BFSP1: variants seen among roughly 807,000 people sequenced by gnomAD.
The protein encoded by BFSP1 is filensin.
In BFSP1, 38 loss-of-function variants were observed where a neutral mutation model predicts 43.9. The observed-to-expected ratio is 0.87, with a 90% CI of 0.67 to 1.14. The LOEUF (loss-of-function observed/expected upper bound fraction) is 1.14. BFSP1 is among the 50% of genes most tolerant of loss of function. The pLI, the probability that BFSP1 is intolerant of heterozygous loss-of-function variation, is 0.00. For synonymous variants in BFSP1, 352 were observed against 354.8 expected, an observed-to-expected ratio of 0.99 and a Z score of 0.09; for missense variants, 850 against 875.1, an observed-to-expected ratio of 0.97 and a Z score of 0.36.
chr20:17,516,825 A>G (rs938797257), intron 2 of BFSP1: 9 of 602,008 alleles, frequency 1.5e-5, no homozygotes, highest in Non-Finnish European at 2.1e-5. Context: ...AGCCACCTGC[A>G]GTGGAGCTGC....
intron 5 of BFSP1, among the ~76,000 whole-genome samples, chr20:17,504,892 CT>C (rs1197900159): frequency 6.6e-6 from 1 of 150,580 alleles, no homozygotes; most frequent in Non-Finnish European, 1.5e-5. Context: ...CCCCAGACAC[CT>C]TTAGGTGTAA....
upstream of BFSP1, among the ~76,000 whole-genome samples, chr20:17,563,885 TAAA>T (rs998399781): frequency 1.5e-4 from 14 of 90,760 alleles, no homozygotes; most frequent in Non-Finnish European, 1.6e-4. Flanking sequence ...AGACCGTGTC[TAAA>T]AAAAAAAAAA....
At chr20:17,534,399 T>C (rs542233568), upstream of BFSP1, among the ~76,000 whole-genome samples, 3 of 152,332 alleles carry the variant, frequency 2.0e-5, no homozygotes, top group Non-Finnish European at 2.9e-5. Context: ...TAATCACTTA[T>C]GTAAGTAGGG....
intron 1 of BFSP1, among the ~76,000 whole-genome samples, chr20:17,553,634 A>G (rs182901002): frequency 5.9e-5 from 9 of 151,868 alleles, no homozygotes; most frequent in Admixed American, 5.9e-4. Flanking sequence ...GAACAGAAAG[A>G]GGATAGACAG....
At chr20:17,552,906 G>A (rs1428671056) in intron 1 of BFSP1, among the ~76,000 whole-genome samples, 1 of 152,208 alleles carries the variant, frequency 6.6e-6, no homozygotes, top group South Asian at 2.1e-4. Context: ...CTACAAGTCA[G>A]AAATCTGGAG....
At position 17,531,103 on chromosome 20, in the gene BFSP1, T is replaced by C; in HGVS notation, c.227A>G (p.Gln76Arg). 7.4e-7 allele frequency: 1 copy of C among 1,353,652 alleles called. No homozygotes were observed. The highest frequency in any genetic ancestry group is 9.5e-7 in the Non-Finnish European group (1 of 1,055,788). 83.9% of individuals were successfully genotyped at this position (1,353,652 alleles called of 1,614,324 possible). ...GGGCCCGGCCAGCTCGCCCAGGCGCTGGAAGGCATCCAGCTGCCTCCGGAG... is the reference window on the plus strand; with the variant it reads ...GGGCCCGGCCAGCTCGCCCAGGCGCCGGAAGGCATCCAGCTGCCTCCGGAG... Reference protein sequence around the residue: ...AGLRRQLDAFQRLGELAGPED... With the variant: ...AGLRRQLDAFRRLGELAGPED... The change falls in exon 1 of 8, where the codon CAG (glutamine) becomes CGG (arginine). Residue 76 changes from glutamine to arginine, a missense_variant. Physicochemically the swap from Gln to Arg is conservative, Grantham distance 43. Transcript: ENST00000377873.
At chr20:17,544,428 G>A (rs978994040) in intron 1 of BFSP1, among the ~76,000 whole-genome samples, 3 of 152,186 alleles carry the variant, frequency 2.0e-5, no homozygotes, top group African/African-American at 4.8e-5. Context: ...GTACGGGGGT[G>A]CAGCACAGCC....
intron 1 of BFSP1, among the ~76,000 whole-genome samples, chr20:17,538,671 T>C (rs1051558097): frequency 6.6e-6 from 1 of 152,194 alleles, no homozygotes; most frequent in Admixed American, 6.5e-5. Flanking sequence ...TGAGACATTG[T>C]CGTACCAACT....
intron 2 of BFSP1, 122 bp from the exon 3 acceptor site, chr20:17,514,938 G>A: frequency 1.2e-6 from 1 of 805,252 alleles, no homozygotes; most frequent in Admixed American, 2.0e-5. Flanking sequence ...TGGTTCAGTA[G>A]GTCTGGGAGG....
In BFSP1 at chr20:17,499,059, TG is replaced by T. The variant is rs756210993; in HGVS notation, c.736-20del. 1 of 1,609,212 alleles carries T rather than the reference TG, an allele frequency of 6.2e-7. No individual in the cohort carries two copies. The highest frequency in any genetic ancestry group is 8.5e-7 in the Non-Finnish European group (1 of 1,175,640). ...TTGTTGTCTGTGGGCAAGGACACGC[TG>T]TAAGAAAATCCATCCCCCTTCTTCT... On this transcript the variant is annotated intron_variant, in intron 5 of 7. Coordinates refer to ENST00000377873, the MANE Select transcript of BFSP1 (RefSeq NM_001195.5).
Position 17,493,915 on chromosome 20 carries a change from G to C in BFSP1, c.*159C>G. 1 of 693,990 alleles carries C rather than the reference G, an allele frequency of 1.4e-6. No individual in the cohort carries two copies. The highest frequency in any genetic ancestry group is 2.4e-6 in the Non-Finnish European group (1 of 425,448). 43.0% of individuals were successfully genotyped at this position (693,990 alleles called of 1,614,324 possible). A position where few individuals can be genotyped will look rare whatever the true frequency, so the allele number is the denominator to read the frequency against. ...ATTAGACAAAGGATGTGCAAGCAAA[G>C]AAAACATTTTAATGAAGGCTTCGTT... On this transcript the variant is annotated 3_prime_UTR_variant, in exon 8 of 8. Transcript: ENST00000377873.
At chr20:17,538,233 T>TAAG (rs202020497) in intron 1 of BFSP1, among the ~76,000 whole-genome samples, 2,251 of 152,150 alleles carry the variant, frequency 0.015, 28 homozygotes, top group Admixed American at 0.022. Flanking sequence ...GGTTTGGGGA[T>TAAG]GAGGCATGAT....
chr20:17,518,737 C>T (rs1049487122), intron 2 of BFSP1, among the ~76,000 whole-genome samples: 3 of 152,198 alleles, frequency 2.0e-5, no homozygotes, highest in South Asian at 2.1e-4. Context: ...TCAGGAAAGA[C>T]GGAAACCAAG....
upstream of BFSP1, among the ~76,000 whole-genome samples, chr20:17,559,629 G>C (rs1394013171): frequency 6.6e-6 from 1 of 152,168 alleles, no homozygotes; most frequent in Non-Finnish European, 1.5e-5. Flanking sequence ...TGCGGCGAGT[G>C]AGCATGACCA....
intron 1 of BFSP1, among the ~76,000 whole-genome samples, chr20:17,564,237 T>A (rs1482258311): frequency 1.3e-5 from 2 of 151,646 alleles, no homozygotes; most frequent in Non-Finnish European, 2.9e-5. Context: ...GGTGGTGGTG[T>A]GAGCTTGTGG....
intron 1 of BFSP1, chr20:17,558,551 T>C: frequency 1.1e-6 from 1 of 906,546 alleles, no homozygotes; most frequent in Non-Finnish European, 1.7e-6. Flanking sequence ...ATTTTAGAAA[T>C]TTCCATGAGT....
intron 5 of BFSP1, among the ~76,000 whole-genome samples, chr20:17,505,896 G>A (rs762470850): frequency 4.6e-5 from 7 of 152,146 alleles, no homozygotes; most frequent in Non-Finnish European, 8.8e-5. Context: ...CAGAATTTTG[G>A]CCCCCGTGAC....
intron 1 of BFSP1, among the ~76,000 whole-genome samples, chr20:17,546,482 C>T (rs1035633591): frequency 3.3e-5 from 5 of 152,150 alleles, no homozygotes; most frequent in African/African-American, 1.2e-4. Flanking sequence ...AGGTGGATCA[C>T]CTGAAGACAG....
intron 5 of BFSP1, among the ~76,000 whole-genome samples, chr20:17,500,847 A>G (rs987021438): frequency 2.6e-5 from 4 of 152,210 alleles, no homozygotes; most frequent in Non-Finnish European, 5.9e-5. Context: ...ATTCTTTTCC[A>G]ATCTCATTCT....
Sources: gnomAD v4.1 joint callset for allele counts (sites outside exome capture counted in the v4.1 genomes callset) on GRCh38, gnomAD v4.1.1 for gene constraint, MANE v1.5 for transcripts, NCBI Gene and HGNC (gene_info 2026-07-23, HGNC 2026-07-21) for gene names.